Variants in NSD3 observed in about 807,000 individuals in gnomAD.
The protein encoded by NSD3 is nuclear receptor binding SET domain protein 3.
In NSD3, 24 loss-of-function variants were observed where a neutral mutation model predicts 160.8. That is an observed-to-expected ratio of 0.15 (90% CI 0.11 to 0.21). The LOEUF (loss-of-function observed/expected upper bound fraction) is 0.21, where lower values mean the gene tolerates loss of function less well. Among genes scored for constraint, NSD3 ranks in the 10% least tolerant of loss-of-function variants. The pLI is 1.00. For synonymous variants in NSD3, 520 were observed against 600.0 expected (o/e 0.87, Z 1.95); for missense variants, 1,157 against 1,735.9 (o/e 0.67, Z 5.93).
chr8:38,271,657 A>T lies in NSD3; in HGVS notation c.*3984T>A, dbSNP rs992317478. 2.6e-5 allele frequency: 4 copies of T among 152,236 alleles called. No homozygotes were observed. Among genetic ancestry groups the T allele is most frequent in the Non-Finnish European group, 4.4e-5 (3 of 68,046 alleles). 9.4% of individuals were successfully genotyped at this position (152,236 alleles called of 1,614,324 possible). ...GGAAAGTGTTTCCATTCATCAATTC[A>T]TGTCTGCACCAACTTGGACAACTGG... On this transcript the variant is annotated 3_prime_UTR_variant, in exon 24 of 24. Coordinates refer to ENST00000317025, the MANE Select transcript of NSD3 (RefSeq NM_023034.2).
chr8:38,339,395 T>C (rs963963366), intron 2 of NSD3, among the ~76,000 whole-genome samples: 2 of 152,144 alleles, frequency 1.3e-5, no homozygotes, highest in Non-Finnish European at 2.9e-5. Flanking sequence ...TATGAAGATA[T>C]GCATACCATT....
At chr8:38,296,450 A>G (rs943050228) in intron 15 of NSD3, among the ~76,000 whole-genome samples, 4 of 152,204 alleles carry the variant, frequency 2.6e-5, no homozygotes, top group African/African-American at 9.6e-5. Context: ...TAGGTTGATC[A>G]GTACTTTTTT....
Position 38,317,423 on chromosome 8 carries a change from G to T in NSD3, c.1856-1381C>A. 9.5e-7 allele frequency: 1 copy of T among 1,054,816 alleles called. No individual in the cohort carries two copies. Among genetic ancestry groups the T allele is most frequent in the Non-Finnish European group, 1.1e-6 (1 of 872,726 alleles). The allele number at this position is 1,054,816 out of a possible 1,614,324, so 65.3% of individuals were successfully genotyped here. On this transcript the variant is annotated intron_variant, in intron 9 of 23. Transcript: ENST00000317025. The surrounding 1 kb of genome is among the most constrained non-coding windows in gnomAD (Gnocchi z 5.3). ...GGATTAACAAGGAGTTTTAACAGAG[G>T]AACAGGAGTGCTGTACTGAGAGGCT... is the stretch of plus-strand genomic sequence containing the variant.
In NSD3 at chr8:38,293,740, C is replaced by G. The variant is rs184523502; in HGVS notation, c.2915+2056G>C. Among the ~76,000 whole-genome samples the G allele has an allele frequency of 8.1e-5, 12 of 148,102 alleles. No homozygotes were observed. In the East Asian group the frequency reaches 2.5e-3, roughly 30 times the overall value. On this transcript the variant is annotated intron_variant, in intron 16 of 23. Transcript: ENST00000317025. ...GAGTTCGAGACCAGCCTGGCCAACA[C>G]AGTGAAACCCCGTCTGTACTAAAAT...
At chr8:38,322,357 C>T (rs1809811079) in intron 7 of NSD3, among the ~76,000 whole-genome samples, 1 of 152,134 alleles carries the variant, frequency 6.6e-6, no homozygotes, top group African/African-American at 2.4e-5. Context: ...TCTTTACTCT[C>T]ACTCTTCTCC....
chr8:38,299,741 A>G, intron 14 of NSD3, 151 bp from the exon 15 acceptor site: 1 of 709,842 alleles, frequency 1.4e-6, no homozygotes, highest in African/African-American at 1.8e-5. Context: ...GATCTGACAG[A>G]AAGGTTTTCT....
At chr8:38,292,139 T>A (rs1809009938) in intron 16 of NSD3, among the ~76,000 whole-genome samples, 1 of 152,248 alleles carries the variant, frequency 6.6e-6, no homozygotes, top group Admixed American at 6.5e-5. Context: ...TAGATATTTC[T>A]TATCTAGAAA....
intron 1 of NSD3, among the ~76,000 whole-genome samples, chr8:38,377,806 G>C (rs992472771): frequency 6.6e-6 from 1 of 152,110 alleles, no homozygotes; most frequent in Admixed American, 6.5e-5. Flanking sequence ...GGTGGTGCAT[G>C]CCTGTAATCC....
chr8:38,341,358 T>G (rs1026000570), intron 2 of NSD3, among the ~76,000 whole-genome samples: 1 of 151,746 alleles, frequency 6.6e-6, no homozygotes, highest in Admixed American at 6.6e-5. Flanking sequence ...GCCAAGATGG[T>G]GAAACCCTGT....
Position 38,361,191 on chromosome 8 carries a change from A to G in NSD3, c.-44-12976T>C, listed in dbSNP as rs144602008. 6.6e-5 allele frequency among the ~76,000 whole-genome samples: 10 copies of G among 151,928 alleles called. No homozygotes were observed. In the East Asian group the frequency reaches 2.0e-3, roughly 30 times the overall value. ...GTATTATTAGTAGAGACGGGGTTTC[A>G]CCATGTTGGCCAGGCTGGTCTCAAA... On this transcript the variant is annotated intron_variant, in intron 1 of 23. Coordinates refer to ENST00000317025, the MANE Select transcript of NSD3 (RefSeq NM_023034.2).
At chr8:38,300,238 T>C (rs1202381630) in intron 14 of NSD3, among the ~76,000 whole-genome samples, 5 of 152,166 alleles carry the variant, frequency 3.3e-5, no homozygotes, top group African/African-American at 9.7e-5. Context: ...CATGGCTCAT[T>C]GCACCTTTGA....
Position 38,316,002 on chromosome 8 carries a change from T to C in NSD3, c.1896A>G (p.Lys632=). The C allele has an allele frequency of 6.2e-7, 1 of 1,613,250 alleles. No homozygotes were observed. The highest frequency in any genetic ancestry group is 8.5e-7 in the Non-Finnish European group (1 of 1,179,984). ...CTACATCAGTTGAGGCGCGACTCCT[T>C]TTCTTTAGAGGTTTACAGGAATCTG... ...EISDSCKPLK[K]RSRASTDVEM... The change falls in exon 10 of 24, where the codon AAA becomes AAG. Residue 632 remains lysine (K), a synonymous_variant. Transcript: ENST00000317025. The surrounding 1 kb of genome is among the most constrained non-coding windows in gnomAD (Gnocchi z 4.5).
rs977813026 is a variant in NSD3, at chr8:38,317,257, T to C, written c.1856-1215A>G. 12 of 1,061,336 alleles carry C rather than the reference T, an allele frequency of 1.1e-5. No homozygotes were observed. Among genetic ancestry groups the C allele is most frequent in the Admixed American group, 5.4e-5 (1 of 18,584 alleles). The allele number at this position is 1,061,336 out of a possible 1,614,324, so 65.7% of individuals were successfully genotyped here. ...CATTCTACAAGTTTTTCACTGAATGTTTCCTGACATCTATAAATGAGGGTG... is the reference window on the plus strand; with the variant it reads ...CATTCTACAAGTTTTTCACTGAATGCTTCCTGACATCTATAAATGAGGGTG... On this transcript the variant is annotated intron_variant, in intron 9 of 23. Coordinates refer to ENST00000317025, the MANE Select transcript of NSD3 (RefSeq NM_023034.2). This position sits in a 1 kb window ranked among gnomAD's most constrained non-coding sequence, Gnocchi z 5.3.
At chr8:38,330,382 G>C (rs1365062410) in intron 5 of NSD3, among the ~76,000 whole-genome samples, 1 of 152,106 alleles carries the variant, frequency 6.6e-6, no homozygotes, top group Non-Finnish European at 1.5e-5. Flanking sequence ...TGAAGTGAAA[G>C]GACAGAGCCT....
intron 7 of NSD3, among the ~76,000 whole-genome samples, chr8:38,326,218 A>G (rs1809908510): frequency 6.6e-6 from 1 of 152,170 alleles, no homozygotes; most frequent in Non-Finnish European, 1.5e-5. Context: ...TTTAAGCAAG[A>G]ATAACATGGC....
chr8:38,354,361 A>G (rs1358843409), intron 1 of NSD3, among the ~76,000 whole-genome samples: 1 of 152,248 alleles, frequency 6.6e-6, no homozygotes, highest in Non-Finnish European at 1.5e-5. Flanking sequence ...AATACAATGC[A>G]TGAACTTTGA....
chr8:38,278,218 A>C, intron 22 of NSD3, 88 bp downstream of exon 22: 1 of 1,182,472 alleles, frequency 8.5e-7, no homozygotes, highest in Middle Eastern at 2.6e-4. Flanking sequence ...GATTACAGGC[A>C]TGAGCCACCG....
chr8:38,368,748 A>G (rs1029419195), intron 1 of NSD3, among the ~76,000 whole-genome samples: 1 of 152,230 alleles, frequency 6.6e-6, no homozygotes, highest in Admixed American at 6.5e-5. Context: ...AACAACAGAC[A>G]TGGTATTACC....
chr8:38,307,791 T>C lies in NSD3; in HGVS notation c.2243-2346A>G, dbSNP rs529170782. On this transcript the variant is annotated intron_variant, in intron 12 of 23. Coordinates refer to ENST00000317025, the MANE Select transcript of NSD3 (RefSeq NM_023034.2). Reference sequence around the variant, plus strand: ...CTAAGTAAGGGCCTAGGATTAAGACTGATGATCGAGGGTAACATCAGCAAG... The same window carrying C: ...CTAAGTAAGGGCCTAGGATTAAGACCGATGATCGAGGGTAACATCAGCAAG... 5.3e-5 allele frequency among the ~76,000 whole-genome samples: 8 copies of C among 152,332 alleles called. No individual in the cohort carries two copies. In the East Asian group the frequency reaches 1.5e-3, roughly 29 times the overall value.
Sources: gnomAD v4.1 joint callset for allele counts (sites outside exome capture counted in the v4.1 genomes callset) on GRCh38, gnomAD v4.1.1 for gene constraint, Gnocchi (gnomAD v3.1) non-coding constraint, MANE v1.5 for transcripts, NCBI Gene and HGNC (gene_info 2026-07-23, HGNC 2026-07-21) for gene names.